ASTN2: variants seen among roughly 807,000 people sequenced by gnomAD.
ASTN2 encodes the protein astrotactin-2.
A neutral mutation model predicts 139.8 loss-of-function variants in ASTN2; 54 were observed. The ratio of observed to expected loss-of-function variants is 0.39; its 90% CI spans 0.31 to 0.48. ASTN2 has a LOEUF of 0.48. Among genes scored for constraint, ASTN2 ranks in the 20% least tolerant of loss-of-function variants. The probability of loss-of-function intolerance (pLI) is 0.95; values close to 1 mark genes in which losing one functional copy is unlikely to be tolerated. For synonymous variants in ASTN2, 756 were observed against 719.5 expected (o/e 1.05, Z -0.81); for missense variants, 1,565 against 1,725.1 (o/e 0.91, Z 1.64).
rs1211768177 is a variant in ASTN2 at position 117,045,979 on chromosome 9, T to TGTACGTACGTACGTAC, written c.1277-6015_1277-6014insGTACGTACGTACGTAC. 4.0e-5 allele frequency among the ~76,000 whole-genome samples: 5 copies of TGTACGTACGTACGTAC among 124,644 alleles called. No homozygotes were observed. The South Asian group carries it at 8.3e-4, about 21-fold the overall frequency. The allele number at this position is 124,644 out of a possible 152,430, so 81.8% of individuals were successfully genotyped here. ...TTGTATGTATGTATGTATGTATGTA[T>TGTACGTACGTACGTAC]GTACGTACGTACGTATGTATGTATG... On this transcript the variant is annotated intron_variant, in intron 5 of 22. Transcript: ENST00000313400.
intron 10 of ASTN2, among the ~76,000 whole-genome samples, chr9:116,900,536 A>G (rs994599084): frequency 1.3e-5 from 2 of 152,230 alleles, no homozygotes; most frequent in African/African-American, 4.8e-5. Flanking sequence ...ACCCTCAGAA[A>G]TGAAAAGTTT....
At chr9:117,276,152 C>T in intron 2 of ASTN2, among the ~76,000 whole-genome samples, 1 of 152,188 alleles carries the variant, frequency 6.6e-6, no homozygotes, top group East Asian at 1.9e-4. Flanking sequence ...TTCTATTTAT[C>T]AGGCACCAAG....
chr9:117,368,864 A>G (rs1411638904), intron 1 of ASTN2, among the ~76,000 whole-genome samples: 1 of 152,216 alleles, frequency 6.6e-6, no homozygotes. Flanking sequence ...CACAGTATGA[A>G]GAACAATCAT....
At chr9:116,770,685 C>G (rs1829933094) in intron 13 of ASTN2, among the ~76,000 whole-genome samples, 2 of 152,152 alleles carry the variant, frequency 1.3e-5, no homozygotes, top group Non-Finnish European at 2.9e-5. Flanking sequence ...CTTTCCAGTA[C>G]TCTCCTGTTT....
chr9:117,202,510 A>G (rs569900687), intron 3 of ASTN2, among the ~76,000 whole-genome samples: 1 of 152,268 alleles, frequency 6.6e-6, no homozygotes, highest in South Asian at 2.1e-4. Flanking sequence ...TGCTTCTTTC[A>G]GGAGCTGTTG....
chr9:116,890,271 A>G (rs1194782840), intron 10 of ASTN2, among the ~76,000 whole-genome samples: 22 of 152,084 alleles, frequency 1.4e-4, no homozygotes, highest in Admixed American at 1.4e-3. Context: ...CATTTTGGGG[A>G]TTCATCTGGC....
chr9:117,169,971 T>G lies in ASTN2; in HGVS notation c.1016-28493A>C, dbSNP rs372105922. On this transcript the variant is annotated intron_variant, in intron 3 of 22. Transcript: ENST00000313400. The stretch of plus-strand genomic sequence containing the variant: ...AAGGAGAGCAGCTCTGGGATCTGGC[T>G]ATCTTGGGTTTGAATCCCTGTTCCA... 7.2e-5 allele frequency among the ~76,000 whole-genome samples: 11 copies of G among 152,224 alleles called. No homozygotes were observed. In the East Asian group the frequency reaches 1.8e-3, roughly 24 times the overall value.
chr9:116,987,119 A>G (rs1836709203), intron 7 of ASTN2, among the ~76,000 whole-genome samples: 1 of 152,106 alleles, frequency 6.6e-6, no homozygotes, highest in Admixed American at 6.6e-5. Flanking sequence ...ATAGTACTGA[A>G]CCCTACTGAT....
chr9:116,728,365 T>C (rs1425467409), intron 15 of ASTN2, among the ~76,000 whole-genome samples: 1 of 150,304 alleles, frequency 6.7e-6, no homozygotes, highest in African/African-American at 2.5e-5. Context: ...CATCACAGAG[T>C]AATATAGTAT....
At chr9:116,952,470 C>G (rs1835589292) in intron 10 of ASTN2, among the ~76,000 whole-genome samples, 1 of 152,170 alleles carries the variant, frequency 6.6e-6, no homozygotes, top group South Asian at 2.1e-4. Context: ...AATAAGGGCC[C>G]TGGAGCAGCC....
chr9:116,674,480 A>G (rs902508690), intron 16 of ASTN2, among the ~76,000 whole-genome samples: 1 of 152,230 alleles, frequency 6.6e-6, no homozygotes, highest in Non-Finnish European at 1.5e-5. Flanking sequence ...GGAGAGAGCC[A>G]TCCTGCCCAC....
At chr9:116,806,988 T>C (rs957211820) in intron 12 of ASTN2, among the ~76,000 whole-genome samples, 1 of 152,156 alleles carries the variant, frequency 6.6e-6, no homozygotes, top group Admixed American at 6.5e-5. Context: ...ATAAAGCATA[T>C]AGTACTGTGA....
intron 19 of ASTN2, among the ~76,000 whole-genome samples, chr9:116,617,635 A>G (rs930010662): frequency 1.3e-5 from 2 of 152,208 alleles, no homozygotes; most frequent in Non-Finnish European, 2.9e-5. Context: ...ATGCTGAACA[A>G]AACATTTAGC....
At chr9:117,128,925 C>T (rs546190934) in intron 4 of ASTN2, among the ~76,000 whole-genome samples, 1 of 152,300 alleles carries the variant, frequency 6.6e-6, no homozygotes, top group East Asian at 1.9e-4. Context: ...TCTCATGAGA[C>T]TTATTCGCTC....
chr9:117,116,031 A>C (rs888007963), intron 4 of ASTN2, among the ~76,000 whole-genome samples: 1 of 86,192 alleles, frequency 1.2e-5, no homozygotes. Context: ...CCTCAAAAAA[A>C]AAATGCATAT....
chr9:116,932,625 G>A (rs769118725), intron 10 of ASTN2, among the ~76,000 whole-genome samples: 4 of 152,028 alleles, frequency 2.6e-5, no homozygotes, highest in African/African-American at 9.7e-5. Context: ...CATCAGGGAC[G>A]CAGGAACAGA....
At chr9:116,450,196 T>C (rs1381393627) in intron 20 of ASTN2, among the ~76,000 whole-genome samples, 1 of 152,196 alleles carries the variant, frequency 6.6e-6, no homozygotes, top group Non-Finnish European at 1.5e-5. Flanking sequence ...ACACTCTTTT[T>C]TGGTTTGCTT....
chr9:116,699,890 T>G lies in ASTN2; in HGVS notation c.2806+25881A>C, dbSNP rs763124613. On this transcript the variant is annotated intron_variant, in intron 16 of 22. Transcript: ENST00000313400. The surrounding 1 kb of genome is among the most constrained non-coding windows in gnomAD (Gnocchi z 4.2). ...TATGTCCCCCTCCCCGCTTCCCACC[T>G]AAATTTAGAGCTTTAAAAGATGCAC... 3.8e-6 allele frequency: 3 copies of G among 789,262 alleles called. No individual in the cohort carries two copies. Among genetic ancestry groups the G allele is most frequent in the Admixed American group, 2.8e-5 (1 of 36,336 alleles). 48.9% of individuals were successfully genotyped at this position (789,262 alleles called of 1,614,324 possible).
chr9:117,121,975 T>C (rs2132815838), intron 4 of ASTN2, among the ~76,000 whole-genome samples: 1 of 152,212 alleles, frequency 6.6e-6, no homozygotes. Context: ...AGGCCCCTCC[T>C]CCAAAACTGG....
Sources: allele counts gnomAD v4.1 joint callset (sites outside exome capture counted in the v4.1 genomes callset), GRCh38; gene constraint gnomAD v4.1.1; non-coding constraint Gnocchi (gnomAD v3.1); transcripts MANE v1.5; gene names NCBI Gene and HGNC (gene_info 2026-07-23, HGNC 2026-07-21).